The following SPAG16 variants were observed in gnomAD, a reference collection of about 807,000 sequenced individuals.
SPAG16 encodes the protein sperm associated antigen 16, also known as sperm-associated antigen 16 protein.
A neutral mutation model predicts 80.4 loss-of-function variants in SPAG16; 86 were observed. The ratio of observed to expected loss-of-function variants is 1.07; its 90% CI spans 0.90 to 1.28. The LOEUF is 1.28. Ranked by LOEUF, SPAG16 falls within the 50% of genes most tolerant of loss-of-function variation. SPAG16 has a pLI of 0.00. For missense variants in SPAG16, 870 were observed against 765.3 expected, an observed-to-expected ratio of 1.14 and a Z score of -1.61; for synonymous variants, 294 against 265.9, an observed-to-expected ratio of 1.11 and a Z score of -1.03.
At chr2:214,119,485 C>T (rs62197902) in intron 14 of SPAG16, among the ~76,000 whole-genome samples, 32,165 of 151,838 alleles carry the variant, frequency 0.21, 3,782 homozygotes, top group Middle Eastern at 0.28. Flanking sequence ...GTAAATAATA[C>T]GTGGCAGGAA....
chr2:214,163,502 G>T (rs2056529220), intron 15 of SPAG16, among the ~76,000 whole-genome samples: 1 of 151,304 alleles, frequency 6.6e-6, no homozygotes, highest in Non-Finnish European at 1.5e-5. Context: ...GAACCAATAT[G>T]TGTGTGTATA....
At chr2:213,354,301 G>A (rs2125065803) in intron 7 of SPAG16, among the ~76,000 whole-genome samples, 1 of 152,294 alleles carries the variant, frequency 6.6e-6, no homozygotes. Flanking sequence ...GGACATTTGG[G>A]TTGGTTCCAA....
At chr2:213,606,654 A>AGATCAT (rs1224823859) in intron 10 of SPAG16, among the ~76,000 whole-genome samples, 2 of 152,206 alleles carry the variant, frequency 1.3e-5, no homozygotes, top group Non-Finnish European at 2.9e-5. Context: ...TGCCTACTAC[A>AGATCAT]GATCATAATT....
At chr2:214,266,340 A>T (rs1414401320) in intron 15 of SPAG16, among the ~76,000 whole-genome samples, 1 of 151,928 alleles carries the variant, frequency 6.6e-6, no homozygotes, top group South Asian at 2.1e-4. Context: ...AGTAATGTTG[A>T]ATGATTTGCA....
chr2:213,663,772 A>G (rs2063506784), intron 10 of SPAG16, among the ~76,000 whole-genome samples: 1 of 152,102 alleles, frequency 6.6e-6, no homozygotes, highest in African/African-American at 2.4e-5. Flanking sequence ...TGGCTCATAC[A>G]TTTGATGAGC....
intron 12 of SPAG16, among the ~76,000 whole-genome samples, chr2:213,944,275 A>C (rs1253410279): frequency 6.6e-6 from 1 of 152,198 alleles, no homozygotes; most frequent in African/African-American, 2.4e-5. Flanking sequence ...GCAGAGGCAA[A>C]ACTTACATCC....
chr2:213,767,777 T>G (rs1354379600), intron 10 of SPAG16, among the ~76,000 whole-genome samples: 2 of 152,084 alleles, frequency 1.3e-5, no homozygotes. Flanking sequence ...TGGAATAACT[T>G]AAAATTAATG....
At chr2:213,376,356 CAAAAAGATACTA>C (rs1211579898) in intron 9 of SPAG16, among the ~76,000 whole-genome samples, 7 of 151,750 alleles carry the variant, frequency 4.6e-5, no homozygotes, top group African/African-American at 1.7e-4. Context: ...TTTTATGGGA[CAAAAAGATACTA>C]AAATATAGGA....
chr2:213,698,541 C>T (rs1384937966), intron 10 of SPAG16, among the ~76,000 whole-genome samples: 2 of 152,182 alleles, frequency 1.3e-5, no homozygotes, highest in African/African-American at 2.4e-5. Context: ...AGATCATAGG[C>T]GTGAGCCATT....
Position 213,963,854 on chromosome 2 carries a change from GCTTA to G in SPAG16, c.1400+33712_1400+33715del, listed in dbSNP as rs199826668. Among the ~76,000 whole-genome samples the G allele has an allele frequency of 9.3e-3, 1,407 of 152,074 alleles. 22 individuals carry two copies. The highest frequency in any genetic ancestry group is 0.032 in the African/African-American group (1,341 of 41,506). ...AGTATAGTTACTCCAACTCTCTTAT[GCTTA>G]CTGTTACTGTTTAATGGTGTTTCCT... On this transcript the variant is annotated intron_variant, in intron 12 of 15. Transcript: ENST00000331683.
chr2:214,174,193 T>C (rs377438220), intron 15 of SPAG16, among the ~76,000 whole-genome samples: 1 of 151,900 alleles, frequency 6.6e-6, no homozygotes, highest in Non-Finnish European at 1.5e-5. Flanking sequence ...CCTCTCTCAC[T>C]ACTCCTATTC....
At chr2:213,893,816 A>T (rs1339174700) in intron 11 of SPAG16, among the ~76,000 whole-genome samples, 1 of 152,170 alleles carries the variant, frequency 6.6e-6, no homozygotes, top group Admixed American at 6.6e-5. Context: ...TAACTACAAA[A>T]GAATACAACA....
At chr2:214,196,441 G>T (rs555225075) in intron 15 of SPAG16, among the ~76,000 whole-genome samples, 1 of 151,962 alleles carries the variant, frequency 6.6e-6, no homozygotes. Context: ...GAGGCCATCC[G>T]TATTGACTGT....
intron 15 of SPAG16, among the ~76,000 whole-genome samples, chr2:214,321,617 T>G (rs1225666647): frequency 6.6e-6 from 1 of 152,210 alleles, no homozygotes; most frequent in Non-Finnish European, 1.5e-5. Flanking sequence ...AATTGTAACA[T>G]TTAATTATTT....
At chr2:213,304,864 G>T (rs1271347867) in intron 3 of SPAG16, among the ~76,000 whole-genome samples, 2 of 152,074 alleles carry the variant, frequency 1.3e-5, no homozygotes, top group Non-Finnish European at 2.9e-5. Context: ...GACTTTTTTG[G>T]TTCCATATAA....
intron 9 of SPAG16, among the ~76,000 whole-genome samples, chr2:213,449,360 A>G (rs1431008503): frequency 6.6e-6 from 1 of 152,084 alleles, no homozygotes; most frequent in African/African-American, 2.4e-5. Context: ...GAAGCATGTG[A>G]TCTTTGTTAG....
At chr2:214,052,690 T>C (rs2049717908) in intron 13 of SPAG16, among the ~76,000 whole-genome samples, 1 of 152,214 alleles carries the variant, frequency 6.6e-6, no homozygotes, top group African/African-American at 2.4e-5. Context: ...CTGCCAATTT[T>C]AATTGCACTT....
intron 12 of SPAG16, among the ~76,000 whole-genome samples, chr2:213,984,510 G>A (rs763468555): frequency 3.9e-5 from 6 of 152,082 alleles, no homozygotes; most frequent in Admixed American, 1.3e-4. Context: ...TTCCACGCAT[G>A]GTCCTTGTCT....
chr2:213,355,926 G>T (rs142640522), intron 7 of SPAG16, among the ~76,000 whole-genome samples: 5,929 of 152,220 alleles, frequency 0.039, 372 homozygotes, highest in African/African-American at 0.13. Flanking sequence ...AGTGGTGAGA[G>T]AGGGCATCGT....
Sources: allele counts gnomAD v4.1 joint callset (sites outside exome capture counted in the v4.1 genomes callset), GRCh38; gene constraint gnomAD v4.1.1; transcripts MANE v1.5; gene names NCBI Gene and HGNC (gene_info 2026-07-23, HGNC 2026-07-21).